Variants in TMEM45A observed in about 807,000 individuals in gnomAD.
The protein encoded by TMEM45A is transmembrane protein 45A.
Under a neutral mutation model 32.0 loss-of-function variants are expected in TMEM45A, and 25 were observed. The ratio of observed to expected loss-of-function variants is 0.78; its 90% CI spans 0.57 to 1.09. The LOEUF (loss-of-function observed/expected upper bound fraction) is 1.09. Ranked by LOEUF, TMEM45A falls within the 50% of genes least tolerant of loss-of-function variation. TMEM45A has a pLI of 0.00. For missense variants in TMEM45A, 302 were observed against 325.0 expected, an observed-to-expected ratio of 0.93 and a Z score of 0.54; for synonymous variants, 122 against 114.8, an observed-to-expected ratio of 1.06 and a Z score of -0.40.
At chr3:100,573,964 G>A (rs1706628364) in intron 5 of TMEM45A, 2 of 152,108 alleles carry the variant, frequency 1.3e-5, no homozygotes, top group Non-Finnish European at 2.9e-5. Flanking sequence ...TGATCATGGT[G>A]GATAAGCTTT....
intron 1 of TMEM45A, among the ~76,000 whole-genome samples, chr3:100,494,372 C>G (rs1157980235): frequency 2.0e-5 from 3 of 152,110 alleles, no homozygotes; most frequent in African/African-American, 7.2e-5. Flanking sequence ...GCCTGTAATC[C>G]CAGCACTTTG....
chr3:100,532,936 A>G (rs545904108), intron 1 of TMEM45A, among the ~76,000 whole-genome samples: 3 of 152,342 alleles, frequency 2.0e-5, no homozygotes, highest in South Asian at 2.1e-4. Context: ...CTTTTTGGAC[A>G]TAGACTTGGG....
chr3:100,532,589 G>A (rs1349707742), intron 1 of TMEM45A, among the ~76,000 whole-genome samples: 1 of 152,134 alleles, frequency 6.6e-6, no homozygotes, highest in Admixed American at 6.5e-5. Context: ...TACATAGAAA[G>A]CTGTCAGTAC....
In TMEM45A at chr3:100,560,442, T is replaced by C. The variant is rs1706309705; in HGVS notation, c.588+1853T>C. 2.0e-5 allele frequency among the ~76,000 whole-genome samples: 3 copies of C among 152,346 alleles called. No homozygotes were observed. The South Asian group carries it at 6.2e-4, about 32-fold the overall frequency. On this transcript the variant is annotated intron_variant, in intron 4 of 5. Coordinates refer to ENST00000323523, the MANE Select transcript of TMEM45A (RefSeq NM_018004.3). The stretch of plus-strand genomic sequence containing the variant: ...TGTAGTTTTCACTGTTGGGTAATTT[T>C]GAATGTTATTTCCATGTGCTTCTCT...
chr3:100,542,662 A>G (rs1390124411), intron 1 of TMEM45A, among the ~76,000 whole-genome samples: 5 of 152,198 alleles, frequency 3.3e-5, no homozygotes, highest in African/African-American at 9.7e-5. Context: ...GGATTGGATA[A>G]AGAATTTGTG....
At chr3:100,555,891 A>G (rs1312708605) in intron 2 of TMEM45A, among the ~76,000 whole-genome samples, 1 of 152,232 alleles carries the variant, frequency 6.6e-6, no homozygotes, top group Non-Finnish European at 1.5e-5. Flanking sequence ...TCCTTGCCAA[A>G]TTCTATAGAT....
Position 100,550,213 on chromosome 3 carries a change from A to T in TMEM45A, c.-3-4996A>T, listed in dbSNP as rs577335003. 6.7e-4 allele frequency among the ~76,000 whole-genome samples: 99 copies of T among 148,422 alleles called. 2 individuals are homozygous for T. Among genetic ancestry groups the T allele is most frequent in the African/African-American group, 2.5e-3 (97 of 38,268 alleles). On this transcript the variant is annotated intron_variant, in intron 1 of 5. Coordinates refer to ENST00000323523, the MANE Select transcript of TMEM45A (RefSeq NM_018004.3). Reference sequence around the variant, plus strand: ...AGCATAATAAAAAAAAAAAAGAAAAAAAAATAAATCCTTAATAGAAGAGAA... The same window carrying T: ...AGCATAATAAAAAAAAAAAAGAAAATAAAATAAATCCTTAATAGAAGAGAA...
At chr3:100,571,696 C>T (rs1466820326) in intron 5 of TMEM45A, 2 of 151,658 alleles carry the variant, frequency 1.3e-5, no homozygotes, top group African/African-American at 4.9e-5. Context: ...TGTGCTGCAC[C>T]CGTTAACTCA....
At chr3:100,519,416 T>C in intron 1 of TMEM45A, 1 of 671,834 alleles carries the variant, frequency 1.5e-6, no homozygotes, top group South Asian at 1.8e-5. Context: ...TGTGTAAAAC[T>C]GACTGTAAGA....
At chr3:100,531,227 G>A (rs1001735993) in intron 1 of TMEM45A, among the ~76,000 whole-genome samples, 4 of 151,778 alleles carry the variant, frequency 2.6e-5, no homozygotes, top group Non-Finnish European at 4.4e-5. Context: ...TTATCTCAGC[G>A]TTTCCCAAAT....
Position 100,492,764 on chromosome 3 carries a change from C to T in TMEM45A, c.-168C>T, listed in dbSNP as rs7649999. 2.2e-4 allele frequency: 33 copies of T among 148,424 alleles called. No individual in the cohort carries two copies. The allele number at this position is 148,424 out of a possible 1,614,324, so 9.2% of individuals were successfully genotyped here. A position where few individuals can be genotyped will look rare whatever the true frequency, so the allele number is the denominator to read the frequency against. ...ACCCAAGTTTAAAAATTCCTCCCCC[C>T]ACCCAATGCGAGACGTGGCCAGATC... On this transcript the variant is annotated 5_prime_UTR_variant, in exon 1 of 6. Transcript: ENST00000323523.
At chr3:100,563,069 A>G (rs1050253820) in intron 4 of TMEM45A, among the ~76,000 whole-genome samples, 1 of 152,212 alleles carries the variant, frequency 6.6e-6, no homozygotes, top group South Asian at 2.1e-4. Flanking sequence ...ATCTGAAATC[A>G]AGGTGTTGGC....
intron 1 of TMEM45A, among the ~76,000 whole-genome samples, chr3:100,530,705 AC>A (rs1419607085): frequency 2.0e-5 from 3 of 152,202 alleles, no homozygotes; most frequent in South Asian, 2.1e-4. Flanking sequence ...TACTATTAGG[AC>A]CCATATGAAA....
Position 100,519,517 on chromosome 3 carries a change from A to G in TMEM45A, c.-4+26589A>G, listed in dbSNP as rs538342195. ...GCTCAATTTTGGCTGCTTCATTCTTATCTCTTCTGCCACAGTTCTAACGTG... is the reference window on the plus strand; with the variant it reads ...GCTCAATTTTGGCTGCTTCATTCTTGTCTCTTCTGCCACAGTTCTAACGTG... On this transcript the variant is annotated intron_variant, in intron 1 of 5. Coordinates refer to ENST00000323523, the MANE Select transcript of TMEM45A (RefSeq NM_018004.3). 60 of 1,545,392 alleles carry G rather than the reference A, an allele frequency of 3.9e-5. No homozygotes were observed. The African/African-American group carries it at 7.0e-4, about 18-fold the overall frequency.
intron 1 of TMEM45A, among the ~76,000 whole-genome samples, chr3:100,498,997 C>T (rs1411350017): frequency 2.6e-5 from 4 of 152,126 alleles, no homozygotes; most frequent in Non-Finnish European, 5.9e-5. Flanking sequence ...AACACCATTT[C>T]ATGTGCTTAT....
At chr3:100,557,790 C>A (rs1460576438) in intron 3 of TMEM45A, among the ~76,000 whole-genome samples, 1 of 152,152 alleles carries the variant, frequency 6.6e-6, no homozygotes, top group Non-Finnish European at 1.5e-5. Flanking sequence ...AATCTTTTCT[C>A]TTTGTCTTCA....
intron 5 of TMEM45A, among the ~76,000 whole-genome samples, chr3:100,576,296 A>G (rs1176774797): frequency 6.6e-6 from 1 of 152,078 alleles, no homozygotes; most frequent in East Asian, 1.9e-4. Flanking sequence ...TAAAAATACA[A>G]AAAAATTAGC....
chr3:100,515,709 G>T (rs1262800765), intron 1 of TMEM45A, among the ~76,000 whole-genome samples: 4 of 151,734 alleles, frequency 2.6e-5, no homozygotes, highest in Non-Finnish European at 5.9e-5. Flanking sequence ...TGATGGAACT[G>T]CAGGTCATTA....
intron 1 of TMEM45A, among the ~76,000 whole-genome samples, chr3:100,523,745 TCTC>T (rs1248247067): frequency 7.3e-6 from 1 of 137,224 alleles, no homozygotes; most frequent in Admixed American, 7.1e-5. Context: ...TTCTCCTCCT[TCTC>T]CTCCTCCTTC....
Sources: gnomAD v4.1 joint callset for allele counts (sites outside exome capture counted in the v4.1 genomes callset) on GRCh38, gnomAD v4.1.1 for gene constraint, MANE v1.5 for transcripts, NCBI Gene and HGNC (gene_info 2026-07-23, HGNC 2026-07-21) for gene names.